Variants in PTPN13 observed in about 807,000 individuals in gnomAD.
The protein encoded by PTPN13 is protein tyrosine phosphatase non-receptor type 13, also known as tyrosine-protein phosphatase non-receptor type 13.
PTPN13 carries 191 observed loss-of-function variants against 284.0 expected under a neutral mutation model. The ratio of observed to expected loss-of-function variants is 0.67; its 90% CI spans 0.60 to 0.76. PTPN13 has a LOEUF of 0.76. Ranked by LOEUF, PTPN13 falls within the 30% of genes least tolerant of loss-of-function variation. The pLI is 0.00. For missense variants in PTPN13, 2,797 were observed against 2,939.9 expected (o/e 0.95, Z 1.12); for synonymous variants, 986 against 1,022.3 (o/e 0.96, Z 0.68).
intron 1 of PTPN13, among the ~76,000 whole-genome samples, chr4:86,596,689 A>G (rs1763839655): frequency 6.6e-6 from 1 of 152,128 alleles, no homozygotes; most frequent in Non-Finnish European, 1.5e-5. Context: ...TGGATGGGGA[A>G]GTGTTGTAGC....
At chr4:86,812,716 G>A (rs1745373724) in intron 47 of PTPN13, among the ~76,000 whole-genome samples, 3 of 152,088 alleles carry the variant, frequency 2.0e-5, no homozygotes, top group Admixed American at 1.3e-4. Context: ...CAATGTGGCG[G>A]GCAGGGCACG....
chr4:86,770,857 T>C (rs561230457), intron 30 of PTPN13, among the ~76,000 whole-genome samples: 124 of 152,298 alleles, frequency 8.1e-4, no homozygotes, highest in African/African-American at 2.8e-3. Context: ...TAGCCATCCA[T>C]TGGACCATTA....
intron 36 of PTPN13, among the ~76,000 whole-genome samples, chr4:86,781,214 G>T (rs1044908364): frequency 6.6e-6 from 1 of 151,788 alleles, no homozygotes; most frequent in Non-Finnish European, 1.5e-5. Context: ...ATTATTTCAG[G>T]GTCATTCCCA....
intron 3 of PTPN13, among the ~76,000 whole-genome samples, chr4:86,675,476 T>A (rs1728172238): frequency 6.6e-6 from 1 of 152,196 alleles, no homozygotes; most frequent in African/African-American, 2.4e-5. Context: ...AATATGCTAT[T>A]AACTAGCACT....
chr4:86,761,139 AATAT>A (rs6148556), intron 23 of PTPN13, among the ~76,000 whole-genome samples: 1,599 of 120,654 alleles, frequency 0.013, 20 homozygotes, highest in Middle Eastern at 0.068. Flanking sequence ...TGTGTGTGTA[AATAT>A]ATATATATAT....
At chr4:86,669,331 A>C (rs957301155) in intron 2 of PTPN13, among the ~76,000 whole-genome samples, 2 of 146,764 alleles carry the variant, frequency 1.4e-5, no homozygotes, top group African/African-American at 5.0e-5. Flanking sequence ...CTTAAAATAA[A>C]GATATACTTT....
chr4:86,765,428 A>G lies in PTPN13; in HGVS notation c.4183A>G (p.Ile1395Val), dbSNP rs1276013195. 4 of 1,603,156 alleles carry G rather than the reference A, an allele frequency of 2.5e-6. No individual in the cohort carries two copies. Among genetic ancestry groups the G allele is most frequent in the Non-Finnish European group, 3.4e-6 (4 of 1,174,360 alleles). Residue 1395 changes from isoleucine (I) to valine (V), a missense_variant, in exon 26 of 48, where the codon ATT (isoleucine) becomes GTT (valine). By Grantham distance (29) the Ile-to-Val change is conservative. Transcript: ENST00000411767. Reference protein sequence around the residue: ...GVNTSVRHGGIYVKAVIPQGA... With the variant: ...GVNTSVRHGGVYVKAVIPQGA... ...GAATACGAGTGTCAGACATGGTGGC[A>G]TTTATGTGAAAGCTGTTATTCCCCA...
chr4:86,635,417 G>A, intron 2 of PTPN13, 46 bp downstream of exon 2: 5 of 1,551,130 alleles, frequency 3.2e-6, no homozygotes, highest in Non-Finnish European at 4.4e-6. Flanking sequence ...TTTCAGTATT[G>A]GGTACTTAAA....
chr4:86,655,657 C>G (rs926227742), intron 2 of PTPN13, among the ~76,000 whole-genome samples: 1 of 152,192 alleles, frequency 6.6e-6, no homozygotes, highest in Non-Finnish European at 1.5e-5. Context: ...CGACCTTTCT[C>G]TCTGGCTGCC....
chr4:86,752,897 A>G (rs1737550711), intron 19 of PTPN13, 112 bp from the exon 20 acceptor site: 1 of 635,846 alleles, frequency 1.6e-6, no homozygotes, highest in Non-Finnish European at 2.6e-6. Context: ...TAAATACAAA[A>G]TGTTGCTGCC....
intron 7 of PTPN13, among the ~76,000 whole-genome samples, chr4:86,715,011 A>G (rs963170975): frequency 6.6e-5 from 10 of 152,154 alleles, no homozygotes; most frequent in Non-Finnish European, 1.5e-4. Context: ...TTAAGGAAAA[A>G]AAAGATATTC....
chr4:86,711,269 C>T (rs970225662), intron 7 of PTPN13, among the ~76,000 whole-genome samples: 4 of 152,052 alleles, frequency 2.6e-5, no homozygotes, highest in Non-Finnish European at 5.9e-5. Context: ...CTGCCTCAGC[C>T]TCCCAAAGTG....
At chr4:86,790,610 G>A (rs1022311993) in intron 40 of PTPN13, among the ~76,000 whole-genome samples, 1 of 152,168 alleles carries the variant, frequency 6.6e-6, no homozygotes, top group Non-Finnish European at 1.5e-5. Flanking sequence ...AACATCTTCA[G>A]GAGGAGAAGA....
chr4:86,771,369 G>A lies in PTPN13; in HGVS notation c.5002G>A (p.Ala1668Thr), dbSNP rs1171174308. Residue 1668 changes from alanine to threonine, a missense_variant, in exon 31 of 48, where the codon GCA becomes ACA. Coordinates refer to ENST00000411767, the MANE Select transcript of PTPN13 (RefSeq NM_080683.3). ...AGAAGATGACTTAGTGACAGCTCCA[G>A]CAAACATATCAAATTCGACCTGGAG... ...SGEDDLVTAPANISNSTWSSA... is the reference protein window; with the variant it reads ...SGEDDLVTAPTNISNSTWSSA... The A allele has an allele frequency of 1.9e-6, 3 of 1,579,152 alleles. No homozygotes were observed. Among genetic ancestry groups the A allele is most frequent in the Non-Finnish European group, 1.7e-6 (2 of 1,162,028 alleles).
chr4:86,607,965 A>G (rs1764940659), intron 1 of PTPN13, among the ~76,000 whole-genome samples: 1 of 152,038 alleles, frequency 6.6e-6, no homozygotes. Flanking sequence ...GTAGTAATAT[A>G]AAATTGGAAA....
intron 1 of PTPN13, among the ~76,000 whole-genome samples, chr4:86,601,954 G>A (rs1479723504): frequency 1.3e-5 from 2 of 152,278 alleles, no homozygotes; most frequent in East Asian, 1.9e-4. Flanking sequence ...TCCAAGACAG[G>A]CAACTTAGGG....
At chr4:86,767,666 C>T in intron 27 of PTPN13, 151 bp from the exon 28 acceptor site, 3 of 561,076 alleles carry the variant, frequency 5.3e-6, no homozygotes, top group Non-Finnish European at 9.1e-6. Context: ...GCTTTTGTTC[C>T]TCTATTTTTT....
chr4:86,637,050 C>A (rs1400931483), intron 2 of PTPN13, among the ~76,000 whole-genome samples: 1 of 152,152 alleles, frequency 6.6e-6, no homozygotes, highest in Admixed American at 6.5e-5. Context: ...ACTACAAATA[C>A]CTCTACGCAA....
At chr4:86,779,545 G>A (rs796615752) in intron 35 of PTPN13, among the ~76,000 whole-genome samples, 1 of 152,258 alleles carries the variant, frequency 6.6e-6, no homozygotes, top group African/African-American at 2.4e-5. Flanking sequence ...CTGTAAGAAA[G>A]CCTGTTTTTT....
Sources: gnomAD v4.1 joint callset for allele counts (sites outside exome capture counted in the v4.1 genomes callset) on GRCh38, gnomAD v4.1.1 for gene constraint, MANE v1.5 for transcripts, NCBI Gene and HGNC (gene_info 2026-07-23, HGNC 2026-07-21) for gene names.